The following HDX variants were observed in gnomAD, a reference collection of about 807,000 sequenced individuals.
HDX encodes the protein highly divergent homeobox.
HDX carries 19 observed loss-of-function variants against 45.2 expected under a neutral mutation model. The observed-to-expected ratio is 0.42, with a 90% CI of 0.29 to 0.62. The LOEUF is 0.62. Among genes scored for constraint, HDX ranks in the 20% least tolerant of loss-of-function variants. The pLI is 0.20. For synonymous variants in HDX, 188 were observed against 172.8 expected, an observed-to-expected ratio of 1.09 and a Z score of -0.69; for missense variants, 532 against 493.9, an observed-to-expected ratio of 1.08 and a Z score of -0.73.
intron 10 of HDX, 97 bp downstream of exon 10, chrX:84,326,081 A>T: frequency 1.3e-6 from 1 of 798,096 alleles, no homozygotes; most frequent in South Asian, 2.3e-5. Flanking sequence ...CCAAGCAGAA[A>T]TGAAGTATTA....
At chrX:84,398,368 G>A (rs1251152731) in intron 5 of HDX, among the ~76,000 whole-genome samples, 1 of 111,313 alleles carries the variant, frequency 9.0e-6, no homozygotes, top group African/African-American at 3.3e-5. Context: ...TCAAAATAAA[G>A]GGATGGAGGA....
chrX:84,473,890 G>A (rs910767781), intron 3 of HDX, among the ~76,000 whole-genome samples: 1 of 111,823 alleles, frequency 8.9e-6, no homozygotes, highest in African/African-American at 3.2e-5. Context: ...ATTTTCCTCT[G>A]TGGCTTAGTA....
At chrX:84,376,513 G>C (rs1243295228) in intron 5 of HDX, among the ~76,000 whole-genome samples, 3 of 111,389 alleles carry the variant, frequency 2.7e-5, no homozygotes, top group Non-Finnish European at 3.8e-5. Flanking sequence ...GCACTTCCCT[G>C]AAAGTTGAGT....
chrX:84,323,917 A>C (rs1317841290), intron 10 of HDX, among the ~76,000 whole-genome samples: 1 of 112,375 alleles, frequency 8.9e-6, no homozygotes, highest in African/African-American at 3.2e-5. Context: ...CTTATTCTAG[A>C]CCCTATGGTA....
intron 10 of HDX, among the ~76,000 whole-genome samples, chrX:84,323,743 A>T (rs190460883): frequency 6.0e-4 from 67 of 111,993 alleles, no homozygotes; most frequent in Admixed American, 2.5e-3. Context: ...AAATCTTTGG[A>T]TTATAACAAT....
intron 5 of HDX, among the ~76,000 whole-genome samples, chrX:84,393,876 C>T (rs1239780911): frequency 9.1e-6 from 1 of 110,319 alleles, no homozygotes; most frequent in Non-Finnish European, 1.9e-5. Context: ...CACTTTTTAT[C>T]TCTGATTTTG....
At chrX:84,365,791 C>T (rs952991713) in intron 5 of HDX, among the ~76,000 whole-genome samples, 5 of 111,272 alleles carry the variant, frequency 4.5e-5, no homozygotes, top group South Asian at 3.8e-4. Flanking sequence ...CCAAAGAGTA[C>T]GTGCGTTTAA....
intron 7 of HDX, among the ~76,000 whole-genome samples, chrX:84,342,666 G>T (rs1397164078): frequency 1.8e-5 from 2 of 110,857 alleles, no homozygotes; most frequent in African/African-American, 6.6e-5. Context: ...AAAATTGGAT[G>T]TATTCATACA....
In HDX at chrX:84,468,670, A is replaced by G. The variant is rs200354256; in HGVS notation, c.1053T>C (p.Asn351=). The change falls in exon 4 of 11, where the codon AAT becomes AAC. Residue 351 remains asparagine, a synonymous_variant. Coordinates refer to ENST00000373177, the MANE Select transcript of HDX (RefSeq NM_001177479.2). ...TATCTCTAATATTCACCATTTGTGAATTTGGCATATTTCTTCCTGGTCCGG... is the reference window on the plus strand; with the variant it reads ...TATCTCTAATATTCACCATTTGTGAGTTTGGCATATTTCTTCCTGGTCCGG... ...TLPGPGRNMP[N]SQMVNIRDMS... 4 of 1,207,930 alleles carry G rather than the reference A, an allele frequency of 3.3e-6. No homozygotes were observed. The highest frequency in any genetic ancestry group is 1.8e-5 in the African/African-American group (1 of 57,125).
In HDX at chrX:84,394,035, C is replaced by A. The variant is rs1177041583; in HGVS notation, c.1306-32423G>T. Among the ~76,000 whole-genome samples, 4 of 110,158 alleles carry A rather than the reference C, an allele frequency of 3.6e-5. 1 individual carries two copies. In the Admixed American group the frequency reaches 3.9e-4, roughly 11 times the overall value. On this transcript the variant is annotated intron_variant, in intron 5 of 10. Transcript: ENST00000373177. ...TGTACTCTTATCTTTATTCCCTTTT[C>A]CTAATTTTGATTTTGATTTTTTTCT...
At chrX:84,421,734 G>A (rs745439679) in intron 5 of HDX, among the ~76,000 whole-genome samples, 10 of 109,919 alleles carry the variant, frequency 9.1e-5, no homozygotes, top group Non-Finnish European at 1.9e-4. Context: ...GACATTCCAT[G>A]CCAATGGAAA....
intron 8 of HDX, among the ~76,000 whole-genome samples, chrX:84,336,384 G>A (rs761254890): frequency 9.0e-6 from 1 of 111,142 alleles, no homozygotes; most frequent in South Asian, 3.8e-4. Flanking sequence ...GTTCTGAATA[G>A]AGAACTCAGA....
At chrX:84,405,075 T>C (rs754675283) in intron 5 of HDX, among the ~76,000 whole-genome samples, 7 of 111,105 alleles carry the variant, frequency 6.3e-5, no homozygotes, top group African/African-American at 2.3e-4. Flanking sequence ...TTTTTGTGTA[T>C]AGTGAATATT....
intron 5 of HDX, among the ~76,000 whole-genome samples, chrX:84,384,429 T>C: frequency 9.0e-6 from 1 of 111,179 alleles, no homozygotes; most frequent in Non-Finnish European, 1.9e-5. Flanking sequence ...CAGGCCTTTG[T>C]AGTATGCACA....
chrX:84,379,106 G>T (rs1457935901), intron 5 of HDX, among the ~76,000 whole-genome samples: 2 of 109,680 alleles, frequency 1.8e-5, no homozygotes, highest in African/African-American at 3.3e-5. Context: ...GCAAGAGGAT[G>T]TAACAATTAT....
Position 84,344,368 on chromosome X carries a change from C to A in HDX, c.1542G>T (p.Gln514His). 8.3e-7 allele frequency: 1 copy of A among 1,206,488 alleles called. No homozygotes were observed. The highest frequency in any genetic ancestry group is 1.1e-6 in the Non-Finnish European group (1 of 891,136). The change falls in exon 7 of 11, where the codon CAG (glutamine) becomes CAT (histidine). Residue 514 changes from glutamine to histidine, a missense_variant. This residue lies in a region of HDX where 151 missense variants were observed against 131.8 expected (regional missense o/e 1.15). Transcript: ENST00000373177. The part of the protein sequence containing the change: ...PRGGPADFSE[Q>H]PESGSLSALT... ...GTGCAGATAAAGAACCAGACTCAGG[C>A]TGCTCAGAGAAATCAGCAGGGCCTC...
At chrX:84,387,681 C>T (rs969566062) in intron 5 of HDX, among the ~76,000 whole-genome samples, 1 of 111,159 alleles carries the variant, frequency 9.0e-6, no homozygotes, top group Non-Finnish European at 1.9e-5. Context: ...TATCTTTATC[C>T]AACACATTAT....
chrX:84,480,882 A>G (rs2040663909), intron 2 of HDX, among the ~76,000 whole-genome samples: 1 of 111,105 alleles, frequency 9.0e-6, no homozygotes, highest in African/African-American at 3.3e-5. Context: ...TATTTCCTTC[A>G]TTTATGTATT....
chrX:84,429,472 TA>T (rs1470414648), intron 5 of HDX, among the ~76,000 whole-genome samples: 1 of 111,183 alleles, frequency 9.0e-6, no homozygotes, highest in Non-Finnish European at 1.9e-5. Context: ...AATTTCTGAT[TA>T]TTTTTTGGTA....
Sources: gnomAD v4.1 joint callset for allele counts (sites outside exome capture counted in the v4.1 genomes callset) on GRCh38, gnomAD v4.1.1 for gene constraint, gnomAD v4.1.1 regional missense constraint, MANE v1.5 for transcripts, NCBI Gene and HGNC (gene_info 2026-07-23, HGNC 2026-07-21) for gene names.